RAB11FIP3: variants seen among roughly 807,000 people sequenced by gnomAD.
The protein encoded by RAB11FIP3 is rab11 family-interacting protein 3.
A neutral mutation model predicts 77.8 loss-of-function variants in RAB11FIP3; 17 were observed. That is an observed-to-expected ratio of 0.22 (90% CI 0.15 to 0.33). The LOEUF is 0.33. RAB11FIP3 is among the 10% of genes least tolerant of loss of function. RAB11FIP3 has a pLI of 1.00. For missense variants in RAB11FIP3, 1,005 were observed against 1,011.2 expected (o/e 0.99, Z 0.08); for synonymous variants, 437 against 448.2 (o/e 0.98, Z 0.31).
In RAB11FIP3 at chr16:461,717, A is replaced by G. The variant is rs926939432; in HGVS notation, c.808+220A>G. 2.0e-4 allele frequency among the ~76,000 whole-genome samples: 31 copies of G among 152,076 alleles called. No individual in the cohort carries two copies. The highest frequency in any genetic ancestry group is 7.5e-4 in the African/African-American group (31 of 41,408). ...AATTTGCTGCGTTAACTACTTTTCC[A>G]TAATGCTAGAAAGCAACTGCCCCCT... On this transcript the variant is annotated intron_variant, in intron 2 of 13. Transcript: ENST00000262305. The surrounding 1 kb of genome is among the most constrained non-coding windows in gnomAD (Gnocchi z 4.5).
Position 521,605 on chromosome 16 carries a change from T to TGGGGCCTCCACTCCGACATC in RAB11FIP3, c.*767_*786dup, listed in dbSNP as rs1204472132. 6.6e-6 allele frequency: 1 copy of TGGGGCCTCCACTCCGACATC among 152,490 alleles called. No individual in the cohort carries two copies. The highest frequency in any genetic ancestry group is 1.5e-5 in the Non-Finnish European group (1 of 68,256). 9.4% of individuals were successfully genotyped at this position (152,490 alleles called of 1,614,324 possible). On this transcript the variant is annotated 3_prime_UTR_variant, in exon 14 of 14. Transcript: ENST00000262305. ...CCTATGGGGGCCGGGCAGGAGCCTC[T>TGGGGCCTCCACTCCGACATC]GGGGCCTCCACTCCGACATCAGGAC...
In RAB11FIP3 at chr16:505,722, G is replaced by T; in HGVS notation, c.1499+95G>T. 4 of 1,096,826 alleles carry T rather than the reference G, an allele frequency of 3.6e-6. No individual in the cohort carries two copies. The highest frequency in any genetic ancestry group is 5.2e-6 in the Non-Finnish European group (4 of 774,616). The allele number at this position is 1,096,826 out of a possible 1,614,324, so 67.9% of individuals were successfully genotyped here. A position where few individuals can be genotyped will look rare whatever the true frequency, so the allele number is the denominator to read the frequency against. ...CTTCTCTTTACCTCACACAGCAGGG[G>T]CTTGGCCACCCGTCCATCCCCGTTG... On this transcript the variant is annotated intron_variant, in intron 8 of 13. Coordinates refer to ENST00000262305, the MANE Select transcript of RAB11FIP3 (RefSeq NM_014700.4). This position sits in a 1 kb window ranked among gnomAD's most constrained non-coding sequence, Gnocchi z 4.0.
chr16:442,674 G>A (rs1248907406), intron 1 of RAB11FIP3, among the ~76,000 whole-genome samples: 1 of 152,180 alleles, frequency 6.6e-6, no homozygotes, highest in South Asian at 2.1e-4. Context: ...CCAAAGCACA[G>A]AGATGTGATT....
At chr16:498,251 G>A (rs1011618238) in intron 6 of RAB11FIP3, among the ~76,000 whole-genome samples, 4 of 152,178 alleles carry the variant, frequency 2.6e-5, no homozygotes, top group African/African-American at 9.7e-5. Flanking sequence ...ACAGCTCACT[G>A]CAGCCTGGAC....
At position 426,323 on chromosome 16, in the gene RAB11FIP3, C is replaced by T. The variant is rs1417850815; in HGVS notation, c.317C>T (p.Pro106Leu). 1 of 1,407,554 alleles carries T rather than the reference C, an allele frequency of 7.1e-7. No homozygotes were observed. The highest frequency in any genetic ancestry group is 1.5e-5 in the South Asian group (1 of 65,234). The allele number at this position is 1,407,554 out of a possible 1,614,324, so 87.2% of individuals were successfully genotyped here. Residue 106 changes from proline to leucine, a missense_variant, in exon 1 of 14, where the codon CCG (proline) becomes CTG (leucine). By Grantham distance (98) the Pro-to-Leu change is moderately conservative. Around this residue, in one of 4 missense-constraint regions of RAB11FIP3, gnomAD observed 466 missense variants for 408.3 expected, o/e 1.14. Transcript: ENST00000262305. This position sits in a 1 kb window ranked among gnomAD's most constrained non-coding sequence, Gnocchi z 5.0. ...GGGCAGCTTGCGAGCCCCGACGCCC[C>T]GGGCCCAGGGCCGCGCTCCGAAGCG... ...PRGQLASPDAPGPGPRSEAPL... is the reference protein window; with the variant it reads ...PRGQLASPDALGPGPRSEAPL...
At chr16:497,824 G>A (rs1183835822) in intron 6 of RAB11FIP3, among the ~76,000 whole-genome samples, 1 of 151,626 alleles carries the variant, frequency 6.6e-6, no homozygotes, top group Non-Finnish European at 1.5e-5. Flanking sequence ...TTTCCTGTAA[G>A]ATTTTTGACG....
chr16:442,128 C>T (rs889684412), intron 1 of RAB11FIP3, among the ~76,000 whole-genome samples: 38 of 152,168 alleles, frequency 2.5e-4, no homozygotes, highest in Admixed American at 2.0e-3. Context: ...TGAGCCACCG[C>T]GCCTGGCCTC....
Position 482,513 on chromosome 16 carries a change from ACT to A in RAB11FIP3, c.904-6_904-5del. 1 of 1,612,322 alleles carries A rather than the reference ACT, an allele frequency of 6.2e-7. No homozygotes were observed. The highest frequency in any genetic ancestry group is 8.5e-7 in the Non-Finnish European group (1 of 1,179,442). On this transcript the variant is annotated splice_polypyrimidine_tract_variant and intron_variant, in intron 3 of 13. Transcript: ENST00000262305. ...GCTTGTGCCCGCTGACTGCTGGCGC[ACT>A]CTCTCCTAGGCCAACGAGGTGACGG...
Position 506,320 on chromosome 16 carries a change from A to C in RAB11FIP3, c.1499+693A>C, listed in dbSNP as rs1009738238. Among the ~76,000 whole-genome samples the C allele has an allele frequency of 2.6e-5, 4 of 152,126 alleles. No individual in the cohort carries two copies. Among genetic ancestry groups the C allele is most frequent in the African/African-American group, 9.7e-5 (4 of 41,422 alleles). On this transcript the variant is annotated intron_variant, in intron 8 of 13. Coordinates refer to ENST00000262305, the MANE Select transcript of RAB11FIP3 (RefSeq NM_014700.4). This position sits in a 1 kb window ranked among gnomAD's most constrained non-coding sequence, Gnocchi z 4.5. ...GATGAGCTTGTCCCAGGAGTCAGCT[A>C]CCCAGGCTATGACACCTGTAGCTGG...
intron 9 of RAB11FIP3, among the ~76,000 whole-genome samples, chr16:516,866 A>C (rs142325781): frequency 5.1e-4 from 77 of 152,322 alleles, no homozygotes; most frequent in African/African-American, 1.8e-3. Flanking sequence ...AAATAAAATA[A>C]AATAAATAAA....
At chr16:429,230 C>T (rs895060059) in intron 1 of RAB11FIP3, among the ~76,000 whole-genome samples, 40 of 152,230 alleles carry the variant, frequency 2.6e-4, no homozygotes, top group African/African-American at 9.6e-4. Context: ...CACTCACTAC[C>T]CCCAGATGAT....
rs557846441 is a variant in RAB11FIP3, at chr16:515,781, G to A, written c.1641-3162G>A. ...AACAGCCACACGGCCGACACGGACCGGGGTTTGCATCTTGGTACATGAAGG... is the reference window on the plus strand; with the variant it reads ...AACAGCCACACGGCCGACACGGACCAGGGTTTGCATCTTGGTACATGAAGG... On this transcript the variant is annotated intron_variant, in intron 9 of 13. Transcript: ENST00000262305. Among the ~76,000 whole-genome samples the A allele has an allele frequency of 2.1e-3, 327 of 152,292 alleles. 5 individuals are homozygous for A. Among genetic ancestry groups the A allele is most frequent in the African/African-American group, 7.5e-3 (313 of 41,550 alleles).
intron 1 of RAB11FIP3, among the ~76,000 whole-genome samples, chr16:431,590 G>C (rs1471819435): frequency 1.5e-4 from 23 of 151,920 alleles, no homozygotes; most frequent in Non-Finnish European, 2.9e-5. Context: ...GACTAGGCTG[G>C]TCTCGAACAC....
rs1352750215 is a variant in RAB11FIP3, at chr16:472,670, TC to T, written c.903+1283del. 6.6e-6 allele frequency among the ~76,000 whole-genome samples: 1 copy of T among 152,212 alleles called. No individual in the cohort carries two copies. Among genetic ancestry groups the T allele is most frequent in the African/African-American group, 2.4e-5 (1 of 41,452 alleles). ...GCCTGTGCACTCTTTCTCACGTGTA[TC>T]CGTCTTTTTGTTCCCCTCTCATGTT... is the stretch of plus-strand genomic sequence containing the variant. On this transcript the variant is annotated intron_variant, in intron 3 of 13. Transcript: ENST00000262305. This position sits in a 1 kb window ranked among gnomAD's most constrained non-coding sequence, Gnocchi z 4.1.
chr16:491,312 G>A (rs1217555627), intron 5 of RAB11FIP3: 7 of 1,286,772 alleles, frequency 5.4e-6, no homozygotes, highest in Non-Finnish European at 7.2e-6. Flanking sequence ...CCCAGGGTGT[G>A]GGGGACTCCG....
chr16:438,000 G>C (rs985741894), intron 1 of RAB11FIP3, among the ~76,000 whole-genome samples: 8 of 152,116 alleles, frequency 5.3e-5, no homozygotes, highest in Admixed American at 5.2e-4. Context: ...AGTAGAGATG[G>C]GGTTTCACAT....
rs144512284 is a variant in RAB11FIP3 at position 521,619 on chromosome 16, C to T, written c.*780C>T. Reference sequence around the variant, plus strand: ...GCAGGAGCCTCTGGGGCCTCCACTCCGACATCAGGACCTGAGATGACCGCT... The same window carrying T: ...GCAGGAGCCTCTGGGGCCTCCACTCTGACATCAGGACCTGAGATGACCGCT... On this transcript the variant is annotated 3_prime_UTR_variant, in exon 14 of 14. Coordinates refer to ENST00000262305, the MANE Select transcript of RAB11FIP3 (RefSeq NM_014700.4). 6.4e-4 allele frequency: 98 copies of T among 152,612 alleles called. No homozygotes were observed. Among genetic ancestry groups the T allele is most frequent in the African/African-American group, 2.2e-3 (93 of 41,580 alleles). The allele number at this position is 152,612 out of a possible 1,614,324, so 9.5% of individuals were successfully genotyped here.
chr16:448,871 C>T (rs1029275874), intron 1 of RAB11FIP3, among the ~76,000 whole-genome samples: 3 of 151,466 alleles, frequency 2.0e-5, no homozygotes, highest in Middle Eastern at 3.2e-3. Flanking sequence ...GCCAAGATCG[C>T]ACCACTGCAC....
intron 6 of RAB11FIP3, chr16:497,426 G>A (rs776787563): frequency 3.8e-4 from 476 of 1,251,382 alleles, no homozygotes; most frequent in Non-Finnish European, 4.5e-4. Context: ...TGTGGCTGCC[G>A]GGTGGCCTCT....
Sources: gnomAD v4.1 joint callset for allele counts (sites outside exome capture counted in the v4.1 genomes callset) on GRCh38, gnomAD v4.1.1 for gene constraint, gnomAD v4.1.1 regional missense constraint, Gnocchi (gnomAD v3.1) non-coding constraint, MANE v1.5 for transcripts, NCBI Gene and HGNC (gene_info 2026-07-23, HGNC 2026-07-21) for gene names.